FHIP1B: variants seen among roughly 807,000 people sequenced by gnomAD.
FHIP1B encodes FHF complex subunit HOOK interacting protein 1B.
Under a neutral mutation model 82.2 loss-of-function variants are expected in FHIP1B, and 28 were observed. The observed-to-expected ratio is 0.34, with a 90% confidence interval of 0.25 to 0.47. FHIP1B has a LOEUF of 0.47. Among genes scored for constraint, FHIP1B ranks in the 20% least tolerant of loss-of-function variants. FHIP1B has a pLI of 1.00. For missense variants in FHIP1B, 1,110 were observed against 1,262.6 expected, an observed-to-expected ratio of 0.88 and a Z score of 1.83; for synonymous variants, 585 against 516.1, an observed-to-expected ratio of 1.13 and a Z score of -1.81.
chr11:6,217,724 C>G lies in FHIP1B; in HGVS notation c.1862G>C (p.Gly621Ala), dbSNP rs1228386818. The change falls in exon 9 of 12, where the codon GGG becomes GCG. Residue 621 changes from glycine (G) to alanine (A), a missense_variant. This residue lies in a region of FHIP1B where 418 missense variants were observed against 371.4 expected (regional missense o/e 1.13). Transcript: ENST00000449352. ...EEELGRRGRA[G>A]GAGEGPGHLP... ...GTGACCAGGGCCCTCCCCTGCACCCCCAGCCCGCCCCCTCCTCCCCAGCTC... is the reference window on the plus strand; with the variant it reads ...GTGACCAGGGCCCTCCCCTGCACCCGCAGCCCGCCCCCTCCTCCCCAGCTC... The G allele has an allele frequency of 1.9e-6, 3 of 1,605,542 alleles. No individual in the cohort carries two copies. The East Asian group carries it at 6.7e-5, about 36-fold the overall frequency.
In FHIP1B at chr11:6,222,871, C is replaced by A. The variant is rs745755393; in HGVS notation, c.963G>T (p.Gln321His). The A allele has an allele frequency of 6.2e-7, 1 of 1,614,160 alleles. No homozygotes were observed. Among genetic ancestry groups the A allele is most frequent in the East Asian group, 2.2e-5 (1 of 44,886 alleles). ...ACCCATTATGGATATAATCAACCAACTGCTTCTGCACCAGGGGGTGAGCCA... is the reference window on the plus strand; with the variant it reads ...ACCCATTATGGATATAATCAACCAAATGCTTCTGCACCAGGGGGTGAGCCA... ...IQVAHPLVQKQLVDYIHNGFL... is the reference protein window; with the variant it reads ...IQVAHPLVQKHLVDYIHNGFL... The change falls in exon 5 of 12, where the codon CAG (glutamine) becomes CAT (histidine). Residue 321 changes from glutamine (Q) to histidine (H), a missense_variant. This residue lies in a region of FHIP1B where 467 missense variants were observed against 602.9 expected (regional missense o/e 0.77). Coordinates refer to ENST00000449352, the MANE Select transcript of FHIP1B (RefSeq NM_001098794.2).
chr11:6,225,746 T>G (rs1178119167), intron 1 of FHIP1B, among the ~76,000 whole-genome samples: 3 of 152,180 alleles, frequency 2.0e-5, no homozygotes, highest in African/African-American at 7.2e-5. Context: ...GGTGCTTCCC[T>G]AGAAACCTAC....
At position 6,211,470 on chromosome 11, in the gene FHIP1B, G is replaced by C; in HGVS notation, c.*36C>G. Reference sequence around the variant, plus strand: ...GGAGCCTGTGCCCTAGCCCCAGCCCGGGCCACCCATGGCCCTGATTGTCCA... The same window carrying C: ...GGAGCCTGTGCCCTAGCCCCAGCCCCGGCCACCCATGGCCCTGATTGTCCA... On this transcript the variant is annotated 3_prime_UTR_variant, in exon 12 of 12. Coordinates refer to ENST00000449352, the MANE Select transcript of FHIP1B (RefSeq NM_001098794.2). 1 of 1,530,096 alleles carries C rather than the reference G, an allele frequency of 6.5e-7. No homozygotes were observed. Among genetic ancestry groups the C allele is most frequent in the Non-Finnish European group, 8.7e-7 (1 of 1,143,308 alleles). 94.8% of individuals were successfully genotyped at this position (1,530,096 alleles called of 1,614,324 possible).
Position 6,220,395 on chromosome 11 carries a change from G to A in FHIP1B, c.1192-1345C>T, listed in dbSNP as rs116344500. On this transcript the variant is annotated intron_variant, in intron 6 of 11. Transcript: ENST00000449352. Reference sequence around the variant, plus strand: ...CCCAAAATTTTGATTTTAGCCTGGCGAGATCCAGGTCATACATATGACCTA... The same window carrying A: ...CCCAAAATTTTGATTTTAGCCTGGCAAGATCCAGGTCATACATATGACCTA... 4.9e-3 allele frequency among the ~76,000 whole-genome samples: 753 copies of A among 152,242 alleles called. 12 individuals carry two copies. The highest frequency in any genetic ancestry group is 0.017 in the African/African-American group (711 of 41,538).
Position 6,223,888 on chromosome 11 carries a change from G to A in FHIP1B, c.499C>T (p.Pro167Ser), listed in dbSNP as rs775290220. 3 of 1,614,100 alleles carry A rather than the reference G, an allele frequency of 1.9e-6. No homozygotes were observed. Among genetic ancestry groups the A allele is most frequent in the African/African-American group, 1.3e-5 (1 of 74,946 alleles). ...CCTTCATCCAGTGCTGGGCTACTGG[G>A]CACAGGGCGGCCACAGGCATCCAGC... is the stretch of plus-strand genomic sequence containing the variant. Reference protein sequence around the residue: ...TLLDACGRPVPSSPALDEGLV... With the variant: ...TLLDACGRPVSSSPALDEGLV... Residue 167 changes from proline (P) to serine (S), a missense_variant, in exon 3 of 12, where the codon CCC becomes TCC. Pro to Ser is a moderately conservative substitution (Grantham distance 74, BLOSUM62 -1). Around this residue, in one of 6 missense-constraint regions of FHIP1B, gnomAD observed 467 missense variants for 602.9 expected, o/e 0.77. Coordinates refer to ENST00000449352, the MANE Select transcript of FHIP1B (RefSeq NM_001098794.2). This position sits in a 1 kb window ranked among gnomAD's most constrained non-coding sequence, Gnocchi z 4.8.
chr11:6,214,191 A>G (rs1847156948), intron 11 of FHIP1B, among the ~76,000 whole-genome samples: 3 of 152,150 alleles, frequency 2.0e-5, no homozygotes, highest in Non-Finnish European at 1.5e-5. Context: ...CTTGTCCCCA[A>G]ATTCTAGAGT....
At position 6,218,898 on chromosome 11, in the gene FHIP1B, C is replaced by A. The variant is rs566994676; in HGVS notation, c.1271+73G>T. The A allele has an allele frequency of 1.5e-4, 231 of 1,556,690 alleles. 4 individuals are homozygous for A. In the South Asian group the frequency reaches 2.5e-3, roughly 17 times the overall value. On this transcript the variant is annotated intron_variant, in intron 7 of 11. Transcript: ENST00000449352. ...AACTCATGAGTAACCCCTATATAGC[C>A]CATTGCCCCAGCAATGCATAAGACT...
At chr11:6,218,475 A>T in intron 8 of FHIP1B, 125 bp downstream of exon 8, 1 of 1,452,060 alleles carries the variant, frequency 6.9e-7, no homozygotes, top group Non-Finnish European at 9.4e-7. Context: ...AACCTCCCCA[A>T]AGACAGACTA....
At position 6,218,807 on chromosome 11, in the gene FHIP1B, G is replaced by A. The variant is rs1382819432; in HGVS notation, c.1272-44C>T. On this transcript the variant is annotated intron_variant, in intron 7 of 11. Coordinates refer to ENST00000449352, the MANE Select transcript of FHIP1B (RefSeq NM_001098794.2). Reference sequence around the variant, plus strand: ...AGGGGACACAGGGTAGATCAGGAAGGAAGGACAGGGCCTAGAGGAACATCA... The same window carrying A: ...AGGGGACACAGGGTAGATCAGGAAGAAAGGACAGGGCCTAGAGGAACATCA... 1.9e-6 allele frequency: 3 copies of A among 1,606,096 alleles called. No homozygotes were observed. In the South Asian group the frequency reaches 3.3e-5, roughly 18 times the overall value.
Position 6,223,937 on chromosome 11 carries a change from T to A in FHIP1B, c.450A>T (p.Pro150=), listed in dbSNP as rs752015966. 1 of 1,614,226 alleles carries A rather than the reference T, an allele frequency of 6.2e-7. No individual in the cohort carries two copies. The highest frequency in any genetic ancestry group is 8.5e-7 in the Non-Finnish European group (1 of 1,180,048). Residue 150 remains proline, a synonymous_variant, in exon 3 of 12, where the codon CCA becomes CCT. Coordinates refer to ENST00000449352, the MANE Select transcript of FHIP1B (RefSeq NM_001098794.2). This position sits in a 1 kb window ranked among gnomAD's most constrained non-coding sequence, Gnocchi z 4.8. ...EARQPLLRHG[P]VREALLTLLD... ...GCAGGGTGAGCAGAGCCTCACGAAC[T>A]GGACCATGCCGCAACAGTGGCTGGC...
intron 1 of FHIP1B, among the ~76,000 whole-genome samples, chr11:6,227,920 G>A (rs1847604321): frequency 6.6e-6 from 1 of 152,194 alleles, no homozygotes; most frequent in Non-Finnish European, 1.5e-5. Context: ...TAGTTCTATA[G>A]AAAGATCAAG....
intron 6 of FHIP1B, among the ~76,000 whole-genome samples, chr11:6,220,715 G>A (rs902782252): frequency 1.3e-5 from 2 of 152,146 alleles, no homozygotes; most frequent in African/African-American, 2.4e-5. Context: ...AAGACCAGGG[G>A]ACCAAATGGG....
rs770329044 is a variant in FHIP1B, at chr11:6,217,997, G to A, written c.1589C>T (p.Pro530Leu). Residue 530 changes from proline (P) to leucine (L), a missense_variant, in exon 9 of 12, where the codon CCC (proline) becomes CTC (leucine). By Grantham distance (98) the Pro-to-Leu change is moderately conservative. Transcript: ENST00000449352. Reference sequence around the variant, plus strand: ...AGGCCGTCGGCCAGGGCTGGAGGCGGGGGATGCAGAAAGCCCTGGTGAGCA... The same window carrying A: ...AGGCCGTCGGCCAGGGCTGGAGGCGAGGGATGCAGAAAGCCCTGGTGAGCA... ...APCSPGLSAS[P>L]ASSPGRRPTP... The A allele has an allele frequency of 2.1e-5, 34 of 1,613,594 alleles. No homozygotes were observed. Among genetic ancestry groups the A allele is most frequent in the Non-Finnish European group, 2.7e-5 (32 of 1,179,952 alleles).
intron 1 of FHIP1B, among the ~76,000 whole-genome samples, chr11:6,225,221 C>T (rs1336661835): frequency 6.6e-6 from 1 of 152,376 alleles, no homozygotes. Flanking sequence ...CAGGAGCCTA[C>T]ATAATCTAAT....
intron 9 of FHIP1B, 180 bp downstream of exon 9, chr11:6,217,191 G>T: frequency 1.4e-6 from 1 of 715,886 alleles, no homozygotes; most frequent in Non-Finnish European, 2.5e-6. Flanking sequence ...AAGACGTACA[G>T]ACAGACACAG....
intron 11 of FHIP1B, among the ~76,000 whole-genome samples, chr11:6,212,807 C>T (rs1847109772): frequency 6.6e-6 from 1 of 152,196 alleles, no homozygotes; most frequent in African/African-American, 2.4e-5. Context: ...CTCTCCACAC[C>T]CCACCTTGCT....
chr11:6,217,017 T>C (rs1051331982), intron 9 of FHIP1B: 7 of 685,128 alleles, frequency 1.0e-5, no homozygotes, highest in South Asian at 6.3e-5. Flanking sequence ...GTCTTCAATA[T>C]GGTTCAGAAA....
At position 6,223,645 on chromosome 11, in the gene FHIP1B, C is replaced by A; in HGVS notation, c.742G>T (p.Gly248Cys). The A allele has an allele frequency of 6.2e-7, 1 of 1,609,032 alleles. No homozygotes were observed. Among genetic ancestry groups the A allele is most frequent in the South Asian group, 1.1e-5 (1 of 90,572 alleles). The part of the protein sequence containing the change: ...MALSAGSPTV[G>C]RYIADHSYFC... ...TAAGAGTGATCCGCGATGTAGCGGCCCACAGTGGGGCTCCCAGCTGACAAA... is the reference window on the plus strand; with the variant it reads ...TAAGAGTGATCCGCGATGTAGCGGCACACAGTGGGGCTCCCAGCTGACAAA... Residue 248 changes from glycine (G) to cysteine (C), a missense_variant, in exon 3 of 12, where the codon GGC becomes TGC. Physicochemically the swap from Gly to Cys is radical, Grantham distance 159. Transcript: ENST00000449352. The surrounding 1 kb of genome is among the most constrained non-coding windows in gnomAD (Gnocchi z 4.8).
At chr11:6,232,388 C>G (rs903136861) in intron 1 of FHIP1B, among the ~76,000 whole-genome samples, 3 of 152,204 alleles carry the variant, frequency 2.0e-5, no homozygotes, top group African/African-American at 7.2e-5. Context: ...TTAAACATAA[C>G]CTTCATCCCT....
Sources: allele counts gnomAD v4.1 joint callset (sites outside exome capture counted in the v4.1 genomes callset), GRCh38; gene constraint gnomAD v4.1.1; regional missense constraint gnomAD v4.1.1; non-coding constraint Gnocchi (gnomAD v3.1); transcripts MANE v1.5; gene names NCBI Gene and HGNC (gene_info 2026-07-23, HGNC 2026-07-21).